The following PDSS2 variants were observed in gnomAD, a reference collection of about 807,000 sequenced individuals.
The protein encoded by PDSS2 is all trans-polyprenyl-diphosphate synthase PDSS2.
Under a neutral mutation model 44.5 loss-of-function variants are expected in PDSS2, and 31 were observed. The ratio of observed to expected loss-of-function variants is 0.70; its 90% CI spans 0.52 to 0.94. The LOEUF is 0.94. PDSS2 is among the 40% of genes least tolerant of loss of function. PDSS2 has a pLI of 0.00. For missense variants in PDSS2, 452 were observed against 482.2 expected (o/e 0.94, Z 0.59); for synonymous variants, 157 against 180.3 (o/e 0.87, Z 1.03).
At chr6:107,421,789 C>T (rs560803568) in intron 1 of PDSS2, among the ~76,000 whole-genome samples, 12 of 141,174 alleles carry the variant, frequency 8.5e-5, no homozygotes, top group African/African-American at 3.2e-4. Flanking sequence ...AATCTATATA[C>T]GTGATAAAAT....
At chr6:107,412,412 A>G (rs1417013868) in intron 1 of PDSS2, among the ~76,000 whole-genome samples, 2 of 149,876 alleles carry the variant, frequency 1.3e-5, no homozygotes, top group South Asian at 2.1e-4. Flanking sequence ...CTAATTTCTT[A>G]TATTTTTAGT....
intron 4 of PDSS2, among the ~76,000 whole-genome samples, chr6:107,213,103 G>A (rs889983996): frequency 5.3e-5 from 8 of 151,816 alleles, no homozygotes; most frequent in East Asian, 2.0e-4. Flanking sequence ...TTGACCTCCC[G>A]GGCTCAAGCG....
chr6:107,183,726 C>T (rs1008203076), intron 7 of PDSS2, among the ~76,000 whole-genome samples: 2 of 151,970 alleles, frequency 1.3e-5, no homozygotes, highest in African/African-American at 2.4e-5. Flanking sequence ...GGTGAAACCC[C>T]GTCTCTAAAA....
chr6:107,407,327 T>C (rs943939499), intron 1 of PDSS2, among the ~76,000 whole-genome samples: 1 of 152,206 alleles, frequency 6.6e-6, no homozygotes, highest in Non-Finnish European at 1.5e-5. Context: ...TTTCTATTTG[T>C]GATCATAAAA....
intron 7 of PDSS2, among the ~76,000 whole-genome samples, chr6:107,175,747 C>T (rs1218568083): frequency 6.6e-6 from 1 of 152,162 alleles, no homozygotes; most frequent in African/African-American, 2.4e-5. Flanking sequence ...AAATTTTCCA[C>T]ATTTTCTGCT....
chr6:107,264,697 C>T (rs1307904953), intron 3 of PDSS2, among the ~76,000 whole-genome samples: 1 of 152,108 alleles, frequency 6.6e-6, no homozygotes, highest in South Asian at 2.1e-4. Flanking sequence ...CCAGAGGAAG[C>T]CTGTTAATGG....
At chr6:107,164,007 C>T (rs532557166) in intron 7 of PDSS2, among the ~76,000 whole-genome samples, 3 of 152,068 alleles carry the variant, frequency 2.0e-5, no homozygotes, top group African/African-American at 7.2e-5. Context: ...AATGCAGATG[C>T]CTAGGCCTCT....
chr6:107,442,157 C>A (rs761268309), intron 1 of PDSS2, among the ~76,000 whole-genome samples: 1 of 152,190 alleles, frequency 6.6e-6, no homozygotes, highest in African/African-American at 2.4e-5. Flanking sequence ...TGGCTCACAC[C>A]TGTAATCCCA....
At chr6:107,222,709 C>T (rs1434657939) in intron 4 of PDSS2, among the ~76,000 whole-genome samples, 4 of 151,418 alleles carry the variant, frequency 2.6e-5, no homozygotes, top group African/African-American at 7.3e-5. Context: ...AAGATTAGAC[C>T]GTAGTATGTG....
intron 1 of PDSS2, among the ~76,000 whole-genome samples, chr6:107,400,285 C>T (rs2114583550): frequency 6.6e-6 from 1 of 152,236 alleles, no homozygotes; most frequent in South Asian, 2.1e-4. Flanking sequence ...TGGATGCCTA[C>T]CAACCAGAAT....
chr6:107,187,368 T>C (rs1314834686), intron 7 of PDSS2, among the ~76,000 whole-genome samples: 1 of 151,992 alleles, frequency 6.6e-6, no homozygotes, highest in African/African-American at 2.4e-5. Context: ...TATTACACAG[T>C]CAATATACTC....
At chr6:107,348,752 A>G (rs1354124829) in intron 1 of PDSS2, among the ~76,000 whole-genome samples, 1 of 152,234 alleles carries the variant, frequency 6.6e-6, no homozygotes, top group Non-Finnish European at 1.5e-5. Flanking sequence ...TAATGGATAC[A>G]CCAGCGACTC....
At chr6:107,237,331 T>C (rs1297596953) in intron 4 of PDSS2, among the ~76,000 whole-genome samples, 2 of 151,784 alleles carry the variant, frequency 1.3e-5, no homozygotes, top group African/African-American at 2.4e-5. Flanking sequence ...GCAACCTCCA[T>C]CTCCCAGGTA....
chr6:107,269,009 G>A (rs188443624), intron 3 of PDSS2, among the ~76,000 whole-genome samples: 222 of 150,536 alleles, frequency 1.5e-3, no homozygotes, highest in Non-Finnish European at 2.7e-3. Context: ...GTGCGATCTC[G>A]GCTCACTGTG....
At chr6:107,434,223 T>G (rs1048297511) in intron 1 of PDSS2, among the ~76,000 whole-genome samples, 2 of 152,266 alleles carry the variant, frequency 1.3e-5, no homozygotes, top group East Asian at 3.9e-4. Context: ...AAAATAGAGA[T>G]AACTTGTGAT....
intron 2 of PDSS2, among the ~76,000 whole-genome samples, chr6:107,330,562 T>A (rs1055830346): frequency 6.6e-6 from 1 of 152,096 alleles, no homozygotes; most frequent in Non-Finnish European, 1.5e-5. Flanking sequence ...TTCTGTAAAC[T>A]TAATAATCAT....
chr6:107,280,182 C>G (rs2114972422), intron 2 of PDSS2, among the ~76,000 whole-genome samples: 1 of 152,218 alleles, frequency 6.6e-6, no homozygotes, highest in East Asian at 1.9e-4. Flanking sequence ...GCGTCAGCCT[C>G]CCGAGTAGCT....
In PDSS2 at chr6:107,154,130, A is replaced by AT. The variant is rs1237314041; in HGVS notation, c.*488dup. 6.2e-6 allele frequency: 1 copy of AT among 161,618 alleles called. No homozygotes were observed. Among genetic ancestry groups the AT allele is most frequent in the Non-Finnish European group, 1.4e-5 (1 of 73,822 alleles). The allele number at this position is 161,618 out of a possible 1,614,324, so 10.0% of individuals were successfully genotyped here. A position where few individuals can be genotyped will look rare whatever the true frequency, so the allele number is the denominator to read the frequency against. On this transcript the variant is annotated 3_prime_UTR_variant, in exon 8 of 8. Coordinates refer to ENST00000369037, the MANE Select transcript of PDSS2 (RefSeq NM_020381.4). ...AATTACAAGCCAACAAATAAAACAT[A>AT]TTTTTCTCAATCCATTGAACTACTC...
intron 1 of PDSS2, among the ~76,000 whole-genome samples, chr6:107,349,061 A>T (rs1010181070): frequency 6.6e-6 from 1 of 152,190 alleles, no homozygotes; most frequent in Non-Finnish European, 1.5e-5. Context: ...AGTACAAAGA[A>T]TTCTTCTTTT....
Sources: allele counts gnomAD v4.1 joint callset (sites outside exome capture counted in the v4.1 genomes callset), GRCh38; gene constraint gnomAD v4.1.1; transcripts MANE v1.5; gene names NCBI Gene and HGNC (gene_info 2026-07-23, HGNC 2026-07-21).